Variants in P2RX5 observed in about 807,000 individuals in gnomAD.
The protein encoded by P2RX5 is purinergic receptor P2X 5.
Under a neutral mutation model 54.1 loss-of-function variants are expected in P2RX5, and 46 were observed. That is an observed-to-expected ratio of 0.85 (90% CI 0.67 to 1.09). The LOEUF (loss-of-function observed/expected upper bound fraction) is 1.09, where lower values mean the gene tolerates loss of function less well. P2RX5 is among the 50% of genes least tolerant of loss of function. The pLI is 0.00. For synonymous variants in P2RX5, 226 were observed against 226.4 expected, an observed-to-expected ratio of 1.00 and a Z score of 0.02; for missense variants, 566 against 549.8, an observed-to-expected ratio of 1.03 and a Z score of -0.29.
the P2RX5 span, among the ~76,000 whole-genome samples, chr17:3,711,620 G>C: frequency 2.6e-5 from 4 of 152,064 alleles, no homozygotes; most frequent in African/African-American, 9.7e-5. Context: ...GACCTCAGGT[G>C]ATCTGCCCAC....
At chr17:3,701,605 T>C in the P2RX5 span, among the ~76,000 whole-genome samples, 1 of 143,678 alleles carries the variant, frequency 7.0e-6, no homozygotes, top group Non-Finnish European at 1.5e-5. Flanking sequence ...GGCAGGAGAA[T>C]CACTTGAACC....
chr17:3,688,798 T>C, intron 7 of P2RX5, 39 bp from the exon 8 acceptor site: 2 of 1,612,204 alleles, frequency 1.2e-6, no homozygotes, highest in Non-Finnish European at 1.7e-6. Context: ...CACACAGCTT[T>C]CCGGAGACGG....
rs541441007 is a variant in P2RX5, at chr17:3,691,025, T to C, written c.291A>G (p.Gly97=). 2.3e-5 allele frequency: 37 copies of C among 1,611,486 alleles called. 1 individual carries two copies. In the South Asian group the frequency reaches 3.2e-4, roughly 14 times the overall value. The change falls in exon 3 of 12, where the codon GGA becomes GGG. Residue 97 remains glycine, a splice_region_variant and synonymous_variant. Transcript: ENST00000225328. ...DVADYVIPAQ[G]ENVFFVVTNL... ...TGGTGACCACAAAAAAGACGTTCTC[T>C]CCCTAAGGAACCAGAGAGGCACTGA...
chr17:3,723,369 C>G, the P2RX5 span: 2 of 1,612,722 alleles, frequency 1.2e-6, no homozygotes, highest in South Asian at 2.2e-5. Context: ...TCACTGAATG[C>G]CATTCTTCCA....
chr17:3,699,492 A>G (rs536460482), upstream of P2RX5, among the ~76,000 whole-genome samples: 1 of 152,162 alleles, frequency 6.6e-6, no homozygotes, highest in Non-Finnish European at 1.5e-5. Flanking sequence ...TCAACACTGT[A>G]GTGAGCAATT....
In P2RX5 at chr17:3,695,870, C is replaced by G. The variant is rs201411192; in HGVS notation, c.136G>C (p.Val46Leu). The change falls in exon 1 of 12, where the codon GTA becomes CTA. Residue 46 changes from valine (V) to leucine (L), a missense_variant and splice_region_variant. Transcript: ENST00000225328. ...LQASILAYLV[V>L]WVFLIKKGYQ... ...CCCAAAAGTCCGCGGAGAACTTACA[C>G]GACCAGGTACGCCAGGATGGAGGCC... The G allele has an allele frequency of 1.9e-6, 3 of 1,603,470 alleles. No homozygotes were observed. Among genetic ancestry groups the G allele is most frequent in the Non-Finnish European group, 2.6e-6 (3 of 1,173,432 alleles).
chr17:3,723,566 AG>A, the P2RX5 span: 1 of 1,116,972 alleles, frequency 9.0e-7, no homozygotes, highest in Non-Finnish European at 1.3e-6. Flanking sequence ...GAAGCTAGGG[AG>A]GGCCTGGCAG....
At chr17:3,676,093 G>A (rs1028132525) in intron 11 of P2RX5, 38 of 985,336 alleles carry the variant, frequency 3.9e-5, no homozygotes, top group Admixed American at 6.2e-5. Context: ...AGACAGCACT[G>A]GGACTGGTTG....
At chr17:3,682,154 G>T (rs965502605) in intron 9 of P2RX5, 176 bp from the exon 10 acceptor site, 1 of 652,678 alleles carries the variant, frequency 1.5e-6, no homozygotes. Flanking sequence ...CACAGAGCTG[G>T]TCCATGGTGG....
At chr17:3,723,671 G>C in the P2RX5 span, 10 of 1,576,550 alleles carry the variant, frequency 6.3e-6, no homozygotes, top group East Asian at 2.3e-5. Context: ...CTGGCCTCTC[G>C]GGACGGCCGC....
At chr17:3,708,952 CTTTCT>C in the P2RX5 span, among the ~76,000 whole-genome samples, 4 of 151,720 alleles carry the variant, frequency 2.6e-5, no homozygotes, top group South Asian at 2.1e-4. Flanking sequence ...GTTTGGTTTT[CTTTCT>C]TTTCTTTTTT....
At chr17:3,680,852 C>G (rs1597701691) in intron 10 of P2RX5, among the ~76,000 whole-genome samples, 2 of 141,402 alleles carry the variant, frequency 1.4e-5, no homozygotes, top group East Asian at 2.1e-4. Flanking sequence ...ACCCTGCATC[C>G]TCCACCCTGA....
At chr17:3,721,199 G>A in the P2RX5 span, among the ~76,000 whole-genome samples, 1 of 146,972 alleles carries the variant, frequency 6.8e-6, no homozygotes, top group Non-Finnish European at 1.5e-5. Context: ...ACAGTGCTGA[G>A]ATTACAGGCA....
upstream of P2RX5, among the ~76,000 whole-genome samples, chr17:3,699,938 G>T (rs1290388245): frequency 1.6e-5 from 2 of 122,150 alleles, no homozygotes; most frequent in Middle Eastern, 4.1e-3. Context: ...AAGAAAGAAA[G>T]AAAGAAAGAA....
intron 1 of P2RX5, 84 bp downstream of exon 1, chr17:3,695,785 A>C (rs2050741643): frequency 3.9e-6 from 6 of 1,557,246 alleles, no homozygotes; most frequent in South Asian, 1.1e-5. Context: ...ACGCCTGCGA[A>C]TTCCAGGACC....
the P2RX5 span, among the ~76,000 whole-genome samples, chr17:3,710,496 C>T: frequency 6.6e-6 from 1 of 151,730 alleles, no homozygotes; most frequent in South Asian, 2.1e-4. Context: ...GAATCTGTTC[C>T]TAGTTCAAGT....
intron 1 of P2RX5, among the ~76,000 whole-genome samples, chr17:3,695,317 C>A (rs2143002176): frequency 6.6e-6 from 1 of 152,304 alleles, no homozygotes; most frequent in Admixed American, 6.5e-5. Context: ...ATAGAGGCCT[C>A]TGGGCAGGAC....
chr17:3,720,893 C>T, the P2RX5 span, among the ~76,000 whole-genome samples: 1 of 151,600 alleles, frequency 6.6e-6, no homozygotes, highest in Non-Finnish European at 1.5e-5. Flanking sequence ...TTTTCTTCAA[C>T]TTCTTTTCCC....
rs1393001808 is a variant in P2RX5, at chr17:3,673,372, G to T, written c.*496C>A. ...AGGGCAAACAGCTGGCAGGAAGGTG[G>T]TGTCTTTAGGAGAGAGAGTACTTGG... On this transcript the variant is annotated 3_prime_UTR_variant, in exon 12 of 12. Transcript: ENST00000225328. 2.0e-6 allele frequency: 2 copies of T among 1,016,304 alleles called. No individual in the cohort carries two copies. The highest frequency in any genetic ancestry group is 2.4e-6 in the Non-Finnish European group (2 of 847,158). The allele number at this position is 1,016,304 out of a possible 1,614,324, so 63.0% of individuals were successfully genotyped here. A position where few individuals can be genotyped will look rare whatever the true frequency, so the allele number is the denominator to read the frequency against.
Sources: allele counts gnomAD v4.1 joint callset (sites outside exome capture counted in the v4.1 genomes callset), GRCh38; gene constraint gnomAD v4.1.1; transcripts MANE v1.5; gene names NCBI Gene and HGNC (gene_info 2026-07-23, HGNC 2026-07-21).